DCP1A: variants seen among roughly 807,000 people sequenced by gnomAD.
DCP1A encodes decapping mRNA 1A.
Under a neutral mutation model 58.0 loss-of-function variants are expected in DCP1A, and 20 were observed. The observed-to-expected ratio is 0.34, with a 90% CI of 0.24 to 0.50. The LOEUF (loss-of-function observed/expected upper bound fraction) is 0.50, where lower values mean the gene tolerates loss of function less well. Ranked by LOEUF, DCP1A falls within the 20% of genes least tolerant of loss-of-function variation. The probability of loss-of-function intolerance (pLI) is 0.98; values close to 1 mark genes in which losing one functional copy is unlikely to be tolerated. For synonymous variants in DCP1A, 285 were observed against 275.1 expected (o/e 1.04, Z -0.36); for missense variants, 613 against 712.2 (o/e 0.86, Z 1.59).
chr3:53,322,453 G>GA (rs1278339079), intron 3 of DCP1A, among the ~76,000 whole-genome samples: 1,686 of 130,320 alleles, frequency 0.013, 11 homozygotes, highest in Non-Finnish European at 0.018. Context: ...CTCTGTCTCA[G>GA]AAAAAAAAAA....
chr3:53,300,368 ACT>A (rs1707275083), intron 6 of DCP1A, among the ~76,000 whole-genome samples: 2 of 124,698 alleles, frequency 1.6e-5, no homozygotes, highest in Non-Finnish European at 3.3e-5. Flanking sequence ...ATGGAGTTTC[ACT>A]CTTGTTGGCC....
chr3:53,330,200 T>C (rs782656027), intron 3 of DCP1A, among the ~76,000 whole-genome samples: 2 of 152,316 alleles, frequency 1.3e-5, no homozygotes, highest in South Asian at 4.1e-4. Context: ...AGAATAAACA[T>C]GCATAGCTTT....
intron 4 of DCP1A, among the ~76,000 whole-genome samples, chr3:53,318,801 G>C (rs1306534066): frequency 1.4e-4 from 22 of 152,340 alleles, no homozygotes; most frequent in Admixed American, 1.3e-3. Context: ...CCTAGAGTCT[G>C]TGTCAAAAAC....
chr3:53,342,059 T>G, intron 3 of DCP1A, 85 bp downstream of exon 3: 1 of 1,249,606 alleles, frequency 8.0e-7, no homozygotes, highest in South Asian at 1.4e-5. Flanking sequence ...GTTTTGTAAT[T>G]TGAAACTTCC....
At chr3:53,343,591 G>C (rs1302914389) in intron 2 of DCP1A, among the ~76,000 whole-genome samples, 5 of 152,068 alleles carry the variant, frequency 3.3e-5, no homozygotes, top group African/African-American at 1.2e-4. Context: ...AAGGGAGTGA[G>C]GGTAAAGATC....
In DCP1A at chr3:53,292,682, A is replaced by T; in HGVS notation, c.770T>A (p.Phe257Tyr). Reference sequence around the variant, plus strand: ...TAACTGCTCAAAGGGAAATGGTAGGAATGAATTGGGCTCTTTCTGGGAGGC... The same window carrying T: ...TAACTGCTCAAAGGGAAATGGTAGGTATGAATTGGGCTCTTTCTGGGAGGC... ...GDASQKEPNS[F>Y]LPFPFEQLGG... is the part of the protein sequence containing the mutation. The change falls in exon 7 of 10, where the codon TTC becomes TAC. Residue 257 changes from phenylalanine (F) to tyrosine (Y), a missense_variant. Physicochemically the swap from Phe to Tyr is conservative, Grantham distance 22. Coordinates refer to ENST00000610213, the MANE Select transcript of DCP1A (RefSeq NM_018403.7). The T allele has an allele frequency of 6.2e-7, 1 of 1,613,760 alleles. No homozygotes were observed. Among genetic ancestry groups the T allele is most frequent in the Non-Finnish European group, 8.5e-7 (1 of 1,179,816 alleles).
At chr3:53,298,203 G>GT (rs1707192370) in intron 6 of DCP1A, among the ~76,000 whole-genome samples, 1 of 152,226 alleles carries the variant, frequency 6.6e-6, no homozygotes, top group Admixed American at 6.5e-5. Context: ...GGGCAACAGA[G>GT]TGAGACGTTG....
chr3:53,335,078 T>C lies in DCP1A; in HGVS notation c.304+7066A>G, dbSNP rs183066530. On this transcript the variant is annotated intron_variant, in intron 3 of 9. Coordinates refer to ENST00000610213, the MANE Select transcript of DCP1A (RefSeq NM_018403.7). Reference sequence around the variant, plus strand: ...CTCTGCCTTTGACATCTCATCAGAATGTGTCTGGGTGTGTGTGTGTGTGTG... The same window carrying C: ...CTCTGCCTTTGACATCTCATCAGAACGTGTCTGGGTGTGTGTGTGTGTGTG... Among the ~76,000 whole-genome samples the C allele has an allele frequency of 2.1e-3, 320 of 150,476 alleles. 3 individuals carry two copies. The highest frequency in any genetic ancestry group is 7.5e-3 in the African/African-American group (301 of 40,196).
Position 53,292,798 on chromosome 3 carries a change from C to G in DCP1A, c.654G>C (p.Thr218=). ...AAGAGGTTCCAAATAACTCTTCTAC[C>G]GTCAGATGCTTGTGTCCAGATGGAG... ...KSAPSGHKHL[T]VEELFGTSLP... The change falls in exon 7 of 10, where the codon ACG becomes ACC. Residue 218 remains threonine (T), a synonymous_variant. Transcript: ENST00000610213. 6.2e-7 allele frequency: 1 copy of G among 1,609,970 alleles called. No individual in the cohort carries two copies. Among genetic ancestry groups the G allele is most frequent in the Non-Finnish European group, 8.5e-7 (1 of 1,179,748 alleles).
rs781953938 is a variant in DCP1A, at chr3:53,287,532, A to G, written c.*48T>C. On this transcript the variant is annotated 3_prime_UTR_variant, in exon 10 of 10. Transcript: ENST00000610213. ...CTCAGAAGTTTCCATGATGAAGCCT[A>G]TTTGTCTCTGAGGCTGGGGCTCTGC... 7.6e-7 allele frequency: 1 copy of G among 1,321,050 alleles called. No homozygotes were observed. Among genetic ancestry groups the G allele is most frequent in the Admixed American group, 1.7e-5 (1 of 58,884 alleles). 81.8% of individuals were successfully genotyped at this position (1,321,050 alleles called of 1,614,324 possible). A position where few individuals can be genotyped will look rare whatever the true frequency, so the allele number is the denominator to read the frequency against.
At chr3:53,295,896 C>CT (rs112256781) in intron 6 of DCP1A, among the ~76,000 whole-genome samples, 31,540 of 144,218 alleles carry the variant, frequency 0.22, 3,549 homozygotes, top group Middle Eastern at 0.29. Context: ...ACCATGTGGT[C>CT]TTTTTTTTTT....
intron 3 of DCP1A, among the ~76,000 whole-genome samples, chr3:53,339,508 C>T (rs182531659): frequency 2.4e-4 from 37 of 152,176 alleles, no homozygotes; most frequent in Non-Finnish European, 4.4e-4. Flanking sequence ...ATTTTAATGC[C>T]GACCCCAGGT....
intron 3 of DCP1A, among the ~76,000 whole-genome samples, chr3:53,335,452 T>C (rs1380050998): frequency 1.3e-5 from 2 of 152,222 alleles, no homozygotes; most frequent in South Asian, 4.1e-4. Flanking sequence ...AATATTTCTA[T>C]GTTTTATGCT....
At chr3:53,287,823 T>G (rs1230113342) in intron 9 of DCP1A, among the ~76,000 whole-genome samples, 163 bp from the exon 10 acceptor site, 1 of 152,018 alleles carries the variant, frequency 6.6e-6, no homozygotes, top group African/African-American at 2.4e-5. Context: ...TTCATGCAGA[T>G]ATTTCTCCAC....
In DCP1A at chr3:53,309,227, C is replaced by T. The variant is rs575052925; in HGVS notation, c.510+3014G>A. 2.4e-4 allele frequency among the ~76,000 whole-genome samples: 36 copies of T among 151,882 alleles called. No homozygotes were observed. In the South Asian group the frequency reaches 7.5e-3, roughly 32 times the overall value. On this transcript the variant is annotated intron_variant, in intron 5 of 9. Coordinates refer to ENST00000610213, the MANE Select transcript of DCP1A (RefSeq NM_018403.7). Reference sequence around the variant, plus strand: ...TCTACTAAAAATACAAAAAATTAGCCGGTCATAGTGGTGCATGCCTGTAGT... The same window carrying T: ...TCTACTAAAAATACAAAAAATTAGCTGGTCATAGTGGTGCATGCCTGTAGT...
At chr3:53,325,083 A>C (rs1189057318) in intron 3 of DCP1A, among the ~76,000 whole-genome samples, 1 of 152,224 alleles carries the variant, frequency 6.6e-6, no homozygotes, top group African/African-American at 2.4e-5. Flanking sequence ...AATTTTAAGA[A>C]GTGGAGTTTT....
At chr3:53,328,212 G>A (rs1708165147) in intron 3 of DCP1A, among the ~76,000 whole-genome samples, 1 of 152,120 alleles carries the variant, frequency 6.6e-6, no homozygotes, top group South Asian at 2.1e-4. Context: ...GGATCCTCCA[G>A]CACACTGAAC....
intron 3 of DCP1A, among the ~76,000 whole-genome samples, chr3:53,324,465 C>A (rs1208038961): frequency 1.3e-5 from 2 of 152,190 alleles, no homozygotes; most frequent in African/African-American, 4.8e-5. Flanking sequence ...AGCATTCTTC[C>A]CTCTAGAGAA....
At chr3:53,324,656 T>C (rs1025966739) in intron 3 of DCP1A, among the ~76,000 whole-genome samples, 20 of 152,246 alleles carry the variant, frequency 1.3e-4, no homozygotes, top group Admixed American at 3.9e-4. Flanking sequence ...ACTTACTTAA[T>C]GGATACCTAC....
Sources: gnomAD v4.1 joint callset for allele counts (sites outside exome capture counted in the v4.1 genomes callset) on GRCh38, gnomAD v4.1.1 for gene constraint, MANE v1.5 for transcripts, NCBI Gene and HGNC (gene_info 2026-07-23, HGNC 2026-07-21) for gene names.